DIAPH3: variants seen among roughly 807,000 people sequenced by gnomAD.
The protein encoded by DIAPH3 is diaphanous related formin 3, also known as protein diaphanous homolog 3.
Under a neutral mutation model 144.3 loss-of-function variants are expected in DIAPH3, and 117 were observed. The observed-to-expected ratio is 0.81, with a 90% CI of 0.70 to 0.95. DIAPH3 has a LOEUF of 0.95. Ranked by LOEUF, DIAPH3 falls within the 40% of genes least tolerant of loss-of-function variation. The pLI is 0.00. For synonymous variants in DIAPH3, 519 were observed against 488.9 expected, an observed-to-expected ratio of 1.06 and a Z score of -0.81; for missense variants, 1,421 against 1,412.7, an observed-to-expected ratio of 1.01 and a Z score of -0.09.
At chr13:60,077,211 C>T (rs1426128642) in intron 4 of DIAPH3, among the ~76,000 whole-genome samples, 1 of 151,416 alleles carries the variant, frequency 6.6e-6, no homozygotes, top group African/African-American at 2.4e-5. Flanking sequence ...AAAAAAAAAT[C>T]CTCAAAAATG....
intron 12 of DIAPH3, among the ~76,000 whole-genome samples, chr13:59,989,550 G>A (rs2051673274): frequency 6.6e-6 from 1 of 151,774 alleles, no homozygotes; most frequent in Non-Finnish European, 1.5e-5. Flanking sequence ...GGGGTTTAAA[G>A]AGCCAAAGAA....
chr13:60,091,251 T>C (rs1485509800), intron 4 of DIAPH3, among the ~76,000 whole-genome samples: 1 of 152,206 alleles, frequency 6.6e-6, no homozygotes, highest in Non-Finnish European at 1.5e-5. Context: ...TACATATATG[T>C]TTATGTGTTT....
At chr13:59,922,103 TAACA>T (rs1339823765) in intron 18 of DIAPH3, among the ~76,000 whole-genome samples, 3 of 152,024 alleles carry the variant, frequency 2.0e-5, no homozygotes, top group Non-Finnish European at 2.9e-5. Context: ...GCTATCATCA[TAACA>T]AACAGAAAAG....
At chr13:59,725,084 G>A (rs2035542713) in intron 27 of DIAPH3, among the ~76,000 whole-genome samples, 1 of 152,174 alleles carries the variant, frequency 6.6e-6, no homozygotes, top group Non-Finnish European at 1.5e-5. Flanking sequence ...TGTAATATAT[G>A]TCTGGGAAAT....
chr13:60,034,879 G>C (rs775912545), intron 5 of DIAPH3: 2 of 152,046 alleles, frequency 1.3e-5, no homozygotes, highest in Non-Finnish European at 2.9e-5. Flanking sequence ...AGACATACAT[G>C]AGCTCTCGTA....
intron 2 of DIAPH3, among the ~76,000 whole-genome samples, chr13:60,115,326 C>T (rs2058675241): frequency 6.6e-6 from 1 of 152,158 alleles, no homozygotes; most frequent in South Asian, 2.1e-4. Context: ...CATGGTGTTA[C>T]TCAGGGTTTA....
At chr13:59,741,167 GAGTA>G in intron 27 of DIAPH3, among the ~76,000 whole-genome samples, 1 of 66,360 alleles carries the variant, frequency 1.5e-5, no homozygotes, top group East Asian at 3.7e-4. Flanking sequence ...GAAAATGAAT[GAGTA>G]TAAGGGCTGG....
intron 17 of DIAPH3, 63 bp downstream of exon 17, chr13:59,969,881 C>T (rs1375042980): frequency 4.8e-6 from 5 of 1,043,740 alleles, no homozygotes; most frequent in Non-Finnish European, 7.1e-6. Context: ...AAAATTGATA[C>T]ATAAAAAGTA....
chr13:59,873,717 A>AGT (rs1462561523), intron 21 of DIAPH3, among the ~76,000 whole-genome samples: 2 of 136,738 alleles, frequency 1.5e-5, no homozygotes, highest in Non-Finnish European at 3.1e-5. Context: ...CCCAGGCTGG[A>AGT]GTGCAGTGGC....
intron 3 of DIAPH3, among the ~76,000 whole-genome samples, chr13:60,093,944 C>T (rs531799692): frequency 1.3e-4 from 20 of 152,252 alleles, no homozygotes; most frequent in African/African-American, 4.6e-4. Flanking sequence ...AGGTAAAACA[C>T]TTACTAAAAG....
intron 1 of DIAPH3, chr13:60,153,581 A>G (rs1056132899): frequency 1.8e-4 from 27 of 152,282 alleles, no homozygotes; most frequent in Middle Eastern, 3.4e-3. Context: ...AAAGAAAAAC[A>G]GCAAAATATA....
intron 24 of DIAPH3, among the ~76,000 whole-genome samples, chr13:59,829,108 A>G (rs751563436): frequency 2.0e-5 from 3 of 152,120 alleles, no homozygotes; most frequent in Middle Eastern, 3.4e-3. Flanking sequence ...ATCTATACAT[A>G]TTAGTCGTGA....
At chr13:59,887,853 C>T (rs1306077644) in intron 20 of DIAPH3, among the ~76,000 whole-genome samples, 1 of 151,690 alleles carries the variant, frequency 6.6e-6, no homozygotes, top group African/African-American at 2.4e-5. Context: ...TTTTTTCTGC[C>T]AGGTTTTGCT....
intron 4 of DIAPH3, among the ~76,000 whole-genome samples, chr13:60,081,076 T>C (rs2057543233): frequency 6.6e-6 from 1 of 151,974 alleles, no homozygotes. Flanking sequence ...TGAAGTGATT[T>C]CCTGCTGTGA....
intron 27 of DIAPH3, among the ~76,000 whole-genome samples, chr13:59,757,947 G>C (rs888267543): frequency 5.3e-5 from 8 of 152,112 alleles, no homozygotes; most frequent in African/African-American, 1.4e-4. Context: ...GATCCTAATA[G>C]AGAAATAACA....
intron 17 of DIAPH3, among the ~76,000 whole-genome samples, chr13:59,938,687 A>T (rs1032062900): frequency 6.6e-6 from 1 of 152,144 alleles, no homozygotes; most frequent in African/African-American, 2.4e-5. Context: ...TGCAACCCAA[A>T]TGTTCCATAT....
At chr13:59,818,942 T>A in intron 24 of DIAPH3, among the ~76,000 whole-genome samples, 1 of 151,898 alleles carries the variant, frequency 6.6e-6, no homozygotes, top group East Asian at 1.9e-4. Flanking sequence ...TTTAAAAATT[T>A]CATGTTCTAT....
At chr13:59,940,300 A>C (rs1258520174) in intron 17 of DIAPH3, among the ~76,000 whole-genome samples, 2 of 152,226 alleles carry the variant, frequency 1.3e-5, no homozygotes, top group African/African-American at 4.8e-5. Context: ...TTAGTGAAGA[A>C]GAATCTTTAC....
intron 17 of DIAPH3, among the ~76,000 whole-genome samples, chr13:59,958,513 T>C (rs1398046069): frequency 6.6e-6 from 1 of 152,132 alleles, no homozygotes; most frequent in Non-Finnish European, 1.5e-5. Flanking sequence ...CAATCTTAAA[T>C]AGTAGTGAGA....
Sources: allele counts gnomAD v4.1 joint callset (sites outside exome capture counted in the v4.1 genomes callset), GRCh38; gene constraint gnomAD v4.1.1; transcripts MANE v1.5; gene names NCBI Gene and HGNC (gene_info 2026-07-23, HGNC 2026-07-21).